The following TBL1XR1 variants were observed in gnomAD, a reference collection of about 807,000 sequenced individuals.
TBL1XR1 encodes TBL1X/Y related 1, also known as F-box-like/WD repeat-containing protein TBL1XR1.
A neutral mutation model predicts 66.9 loss-of-function variants in TBL1XR1; 5 were observed. The observed-to-expected ratio is 0.07, with a 90% CI of 0.04 to 0.16. The LOEUF (loss-of-function observed/expected upper bound fraction) is 0.16. Ranked by LOEUF, TBL1XR1 falls within the 10% of genes least tolerant of loss-of-function variation. The pLI is 1.00. For missense variants in TBL1XR1, 238 were observed against 623.2 expected (o/e 0.38, Z 6.58); for synonymous variants, 210 against 206.0 (o/e 1.02, Z -0.17).
intron 2 of TBL1XR1, among the ~76,000 whole-genome samples, chr3:177,069,773 GA>G (rs1296577400): frequency 1.0e-5 from 1 of 97,602 alleles, no homozygotes; most frequent in Non-Finnish European, 2.0e-5. Flanking sequence ...AGAAAGGAAG[GA>G]AAGGAAGGAA....
intron 1 of TBL1XR1, among the ~76,000 whole-genome samples, chr3:177,178,775 G>T (rs1734450973): frequency 6.6e-6 from 1 of 152,038 alleles, no homozygotes; most frequent in South Asian, 2.1e-4. Context: ...ACTGGGTAGG[G>T]TATAAATATT....
chr3:177,179,636 T>G (rs1185259947), intron 1 of TBL1XR1, among the ~76,000 whole-genome samples: 1 of 152,152 alleles, frequency 6.6e-6, no homozygotes, highest in African/African-American at 2.4e-5. Flanking sequence ...CAACTACTCT[T>G]GGGAGGGCTT....
At chr3:177,162,229 G>C (rs147626381) in intron 1 of TBL1XR1, among the ~76,000 whole-genome samples, 1 of 152,314 alleles carries the variant, frequency 6.6e-6, no homozygotes, top group African/African-American at 2.4e-5. Flanking sequence ...TTATGCGTGT[G>C]TATCAATGAA....
At chr3:177,149,485 A>T (rs1326877870) in intron 1 of TBL1XR1, among the ~76,000 whole-genome samples, 1 of 149,416 alleles carries the variant, frequency 6.7e-6, no homozygotes, top group African/African-American at 2.6e-5. Context: ...ACTGGGGTTT[A>T]AAATGGCTAA....
At chr3:177,111,765 A>G (rs1282783779) in intron 1 of TBL1XR1, among the ~76,000 whole-genome samples, 1 of 151,942 alleles carries the variant, frequency 6.6e-6, no homozygotes, top group Non-Finnish European at 1.5e-5. Flanking sequence ...TTGACATTTC[A>G]CTTTAGATTT....
At chr3:177,123,576 T>G (rs1165390696) in intron 1 of TBL1XR1, among the ~76,000 whole-genome samples, 2 of 114,668 alleles carry the variant, frequency 1.7e-5, no homozygotes, top group African/African-American at 3.3e-5. Context: ...AATTTTCTCA[T>G]GCTTCCAATT....
intron 4 of TBL1XR1, among the ~76,000 whole-genome samples, chr3:177,053,097 G>T (rs756973777): frequency 6.6e-6 from 1 of 152,044 alleles, no homozygotes; most frequent in Non-Finnish European, 1.5e-5. Flanking sequence ...GCGAGATTCC[G>T]TCACACACAA....
intron 5 of TBL1XR1, 147 bp from the exon 6 acceptor site, chr3:177,050,757 A>C (rs1460710883): frequency 3.1e-5 from 24 of 779,226 alleles, no homozygotes; most frequent in Non-Finnish European, 4.3e-5. Flanking sequence ...ACATGACTAC[A>C]CAGTCTTAGT....
chr3:177,073,514 A>G (rs1266677973), intron 2 of TBL1XR1, among the ~76,000 whole-genome samples: 3 of 152,144 alleles, frequency 2.0e-5, no homozygotes, highest in Admixed American at 6.5e-5. Context: ...TGAAAATTAT[A>G]AATTTTCTGA....
At chr3:177,145,443 T>C (rs1730133390) in intron 1 of TBL1XR1, among the ~76,000 whole-genome samples, 1 of 152,050 alleles carries the variant, frequency 6.6e-6, no homozygotes, top group Non-Finnish European at 1.5e-5. Context: ...AAGGGGGACA[T>C]AAGCCACCAA....
intron 2 of TBL1XR1, among the ~76,000 whole-genome samples, chr3:177,090,948 C>T (rs2108642199): frequency 6.6e-6 from 1 of 152,036 alleles, no homozygotes; most frequent in East Asian, 1.9e-4. Flanking sequence ...ATGATCAGGC[C>T]ACTGCAATCC....
chr3:177,044,062 T>C lies in TBL1XR1; in HGVS notation c.925+2067A>G, dbSNP rs548530556. The stretch of plus-strand genomic sequence containing the variant: ...TCACCACACCCTCTTTTCCAGTCTA[T>C]GTTCTCTGCGTTTTTGGATAGATTC... On this transcript the variant is annotated intron_variant, in intron 10 of 15. Coordinates refer to ENST00000457928, the MANE Select transcript of TBL1XR1 (RefSeq NM_024665.7). 5.3e-5 allele frequency among the ~76,000 whole-genome samples: 8 copies of C among 152,308 alleles called. No individual in the cohort carries two copies. The East Asian group carries it at 5.8e-4, about 11-fold the overall frequency.
At chr3:177,027,860 T>A (rs1713376294) in intron 14 of TBL1XR1, 1 of 152,182 alleles carries the variant, frequency 6.6e-6, no homozygotes, top group African/African-American at 2.4e-5. Context: ...TATAGTAGGC[T>A]TTGAGTATCT....
At chr3:177,127,233 C>A (rs1234950612) in intron 1 of TBL1XR1, among the ~76,000 whole-genome samples, 1 of 152,148 alleles carries the variant, frequency 6.6e-6, no homozygotes, top group African/African-American at 2.4e-5. Flanking sequence ...GTTCCCAAGT[C>A]CCTTGAGTCA....
At chr3:177,036,379 C>A (rs1470488838) in intron 12 of TBL1XR1, among the ~76,000 whole-genome samples, 1 of 152,224 alleles carries the variant, frequency 6.6e-6, no homozygotes, top group Non-Finnish European at 1.5e-5. Context: ...ATCTGGCATT[C>A]CCTCTTCTCA....
intron 3 of TBL1XR1, among the ~76,000 whole-genome samples, chr3:177,059,692 A>T (rs1260284835): frequency 6.6e-6 from 1 of 152,158 alleles, no homozygotes; most frequent in Non-Finnish European, 1.5e-5. Flanking sequence ...TCCTTCTTAT[A>T]TATCATCCTG....
chr3:177,114,644 T>G (rs1489274701), intron 1 of TBL1XR1, among the ~76,000 whole-genome samples: 1 of 150,838 alleles, frequency 6.6e-6, no homozygotes, highest in Non-Finnish European at 1.5e-5. Flanking sequence ...GACAAAAACA[T>G]AATGTCGTAT....
intron 1 of TBL1XR1, among the ~76,000 whole-genome samples, chr3:177,154,797 C>G (rs1731302188): frequency 6.6e-6 from 1 of 152,138 alleles, no homozygotes; most frequent in African/African-American, 2.4e-5. Context: ...GATCTAAACA[C>G]TTGACAAACT....
chr3:177,163,074 T>C (rs1341991980), intron 1 of TBL1XR1, among the ~76,000 whole-genome samples: 3 of 152,134 alleles, frequency 2.0e-5, no homozygotes, highest in African/African-American at 7.2e-5. Context: ...CTTTTATGCA[T>C]AGGGAATGAT....
Sources: gnomAD v4.1 joint callset for allele counts (sites outside exome capture counted in the v4.1 genomes callset) on GRCh38, gnomAD v4.1.1 for gene constraint, MANE v1.5 for transcripts, NCBI Gene and HGNC (gene_info 2026-07-23, HGNC 2026-07-21) for gene names.